IL1RAPL2: variants seen among roughly 807,000 people sequenced by gnomAD.
IL1RAPL2 encodes the protein interleukin 1 receptor accessory protein like 2.
In IL1RAPL2, 3 loss-of-function variants were observed where a neutral mutation model predicts 44.1. The observed-to-expected ratio is 0.07, with a 90% CI of 0.03 to 0.18. The LOEUF is 0.18. Among genes scored for constraint, IL1RAPL2 ranks in the 10% least tolerant of loss-of-function variants. The pLI, the probability that IL1RAPL2 is intolerant of heterozygous loss-of-function variation, is 1.00. For synonymous variants in IL1RAPL2, 181 were observed against 178.8 expected (o/e 1.01, Z -0.10); for missense variants, 391 against 496.4 (o/e 0.79, Z 2.02).
At chrX:104,804,664 A>G in intron 2 of IL1RAPL2, among the ~76,000 whole-genome samples, 1 of 112,438 alleles carries the variant, frequency 8.9e-6, no homozygotes, top group Non-Finnish European at 1.9e-5. Context: ...GACAGTGAAC[A>G]AACTTTATTT....
Position 104,896,037 on chromosome X carries a change from G to A in IL1RAPL2, c.82+237042G>A, listed in dbSNP as rs760159718. Among the ~76,000 whole-genome samples the A allele has an allele frequency of 2.7e-5, 3 of 111,686 alleles. No homozygotes were observed. The East Asian group carries it at 8.5e-4, about 32-fold the overall frequency. On this transcript the variant is annotated intron_variant, in intron 2 of 10. Transcript: ENST00000372582. ...TGCACCTTCTTAGGGGAGGAGTGTTGTTTTTATACTGACCAGTCAGGGATG... is the reference window on the plus strand; with the variant it reads ...TGCACCTTCTTAGGGGAGGAGTGTTATTTTTATACTGACCAGTCAGGGATG...
intron 2 of IL1RAPL2, among the ~76,000 whole-genome samples, chrX:105,039,815 G>A (rs953304409): frequency 6.3e-5 from 7 of 111,583 alleles, no homozygotes; most frequent in Middle Eastern, 9.2e-3. Context: ...ATACAATCAT[G>A]TCATCTGCAA....
intron 2 of IL1RAPL2, among the ~76,000 whole-genome samples, chrX:104,690,356 T>G (rs928060933): frequency 8.9e-6 from 1 of 112,460 alleles, no homozygotes; most frequent in African/African-American, 3.2e-5. Flanking sequence ...ATGTTCATAT[T>G]GAAATGTTCC....
At chrX:105,167,430 T>G (rs1431766163) in intron 2 of IL1RAPL2, among the ~76,000 whole-genome samples, 1 of 112,211 alleles carries the variant, frequency 8.9e-6, no homozygotes, top group Non-Finnish European at 1.9e-5. Flanking sequence ...ATCATGGACT[T>G]GTTCCATTTG....
At chrX:105,143,603 C>G (rs921751505) in intron 2 of IL1RAPL2, among the ~76,000 whole-genome samples, 3 of 111,928 alleles carry the variant, frequency 2.7e-5, no homozygotes, top group Non-Finnish European at 5.6e-5. Flanking sequence ...GGGTATATAC[C>G]CAAAGGATTA....
chrX:105,220,269 C>T (rs1262156594), intron 3 of IL1RAPL2: 12 of 1,209,693 alleles, frequency 9.9e-6, no homozygotes, highest in Non-Finnish European at 1.1e-5. Context: ...CCACCTTCTC[C>T]CAGGATAAGG....
At chrX:105,078,892 T>A (rs2032357369) in intron 2 of IL1RAPL2, among the ~76,000 whole-genome samples, 1 of 112,139 alleles carries the variant, frequency 8.9e-6, no homozygotes, top group African/African-American at 3.2e-5. Flanking sequence ...GGCGCAGTAT[T>A]AGGGTGGGAG....
chrX:104,906,533 C>G (rs1259846869), intron 2 of IL1RAPL2, among the ~76,000 whole-genome samples: 1 of 111,558 alleles, frequency 9.0e-6, no homozygotes, highest in Non-Finnish European at 1.9e-5. Flanking sequence ...TGAATTTTGT[C>G]AAAGGCCTTT....
intron 2 of IL1RAPL2, among the ~76,000 whole-genome samples, chrX:104,916,045 C>G (rs1212256973): frequency 3.6e-5 from 4 of 111,299 alleles, no homozygotes; most frequent in Admixed American, 2.9e-4. Context: ...TTGACTTGGC[C>G]ATGTGGGCTC....
chrX:105,605,931 C>G (rs954256937), intron 6 of IL1RAPL2, among the ~76,000 whole-genome samples: 9 of 111,181 alleles, frequency 8.1e-5, no homozygotes, highest in African/African-American at 2.6e-4. Context: ...TATCTTTCAC[C>G]AAATACAAAA....
At chrX:104,833,578 T>G (rs1921667224) in intron 2 of IL1RAPL2, among the ~76,000 whole-genome samples, 2 of 111,945 alleles carry the variant, frequency 1.8e-5, no homozygotes, top group African/African-American at 6.5e-5. Context: ...GTGCATATGG[T>G]TCTACCAGAA....
At chrX:104,746,651 T>C (rs750379569) in intron 2 of IL1RAPL2, among the ~76,000 whole-genome samples, 1 of 111,423 alleles carries the variant, frequency 9.0e-6, no homozygotes, top group East Asian at 2.8e-4. Context: ...TTCTTTAAAA[T>C]TGAACATAAT....
intron 2 of IL1RAPL2, among the ~76,000 whole-genome samples, chrX:105,078,349 G>A (rs1275976675): frequency 1.8e-5 from 2 of 111,436 alleles, no homozygotes; most frequent in Non-Finnish European, 3.8e-5. Context: ...AGAACAGCGG[G>A]TATTGGTGAA....
chrX:105,623,377 A>T (rs2147832051), intron 6 of IL1RAPL2, among the ~76,000 whole-genome samples: 1 of 110,522 alleles, frequency 9.0e-6, no homozygotes, highest in African/African-American at 3.3e-5. Flanking sequence ...AAATGCATAT[A>T]TTTGGAAAAT....
chrX:105,477,496 C>T (rs1412095265), intron 5 of IL1RAPL2, among the ~76,000 whole-genome samples: 1 of 111,541 alleles, frequency 9.0e-6, no homozygotes, highest in East Asian at 2.8e-4. Context: ...AGAATAATAG[C>T]TCTTATGATG....
At chrX:105,017,152 C>T (rs1252083922) in intron 2 of IL1RAPL2, among the ~76,000 whole-genome samples, 11 of 110,543 alleles carry the variant, frequency 1.0e-4, no homozygotes, top group African/African-American at 3.6e-4. Context: ...GTGGTGATAT[C>T]CCCTTTATCA....
intron 1 of IL1RAPL2, among the ~76,000 whole-genome samples, chrX:104,626,920 G>A (rs1200431875): frequency 1.8e-5 from 2 of 108,141 alleles, no homozygotes; most frequent in African/African-American, 3.4e-5. Context: ...CCAGGTTCAA[G>A]CAGTTCTCCT....
intron 2 of IL1RAPL2, among the ~76,000 whole-genome samples, chrX:105,106,428 T>C (rs1214177295): frequency 9.0e-6 from 1 of 110,761 alleles, no homozygotes; most frequent in Non-Finnish European, 1.9e-5. Context: ...ATAAAATAAG[T>C]ACTAGTTGGA....
intron 2 of IL1RAPL2, among the ~76,000 whole-genome samples, chrX:105,036,570 T>A (rs1034595344): frequency 1.2e-4 from 13 of 111,969 alleles, no homozygotes; most frequent in Middle Eastern, 4.2e-3. Flanking sequence ...TCCAGAAATA[T>A]TTTTCTTATG....
Sources: allele counts gnomAD v4.1 joint callset (sites outside exome capture counted in the v4.1 genomes callset), GRCh38; gene constraint gnomAD v4.1.1; transcripts MANE v1.5; gene names NCBI Gene and HGNC (gene_info 2026-07-23, HGNC 2026-07-21).